PIGK: variants seen among roughly 807,000 people sequenced by gnomAD.
The protein encoded by PIGK is phosphatidylinositol glycan anchor biosynthesis class K, also known as GPI-anchor transamidase.
A neutral mutation model predicts 50.6 loss-of-function variants in PIGK; 42 were observed. That is an observed-to-expected ratio of 0.83 (90% CI 0.65 to 1.07). PIGK has a LOEUF of 1.07. PIGK is among the 50% of genes least tolerant of loss of function. PIGK has a pLI of 0.00. For missense variants in PIGK, 448 were observed against 488.7 expected (o/e 0.92, Z 0.78); for synonymous variants, 151 against 156.0 (o/e 0.97, Z 0.24).
At chr1:77,113,674 T>C (rs1653902765) in intron 10 of PIGK, among the ~76,000 whole-genome samples, 1 of 152,148 alleles carries the variant, frequency 6.6e-6, no homozygotes, top group Non-Finnish European at 1.5e-5. Context: ...ATGATTTTAT[T>C]GAAAATTGCG....
chr1:77,186,492 G>A (rs1212449939), intron 3 of PIGK, among the ~76,000 whole-genome samples: 1 of 152,212 alleles, frequency 6.6e-6, no homozygotes, highest in African/African-American at 2.4e-5. Context: ...AAGCATGATT[G>A]GAAAATTGGT....
intron 2 of PIGK, among the ~76,000 whole-genome samples, chr1:77,209,813 C>A (rs1656375475): frequency 6.6e-6 from 1 of 151,984 alleles, no homozygotes; most frequent in Non-Finnish European, 1.5e-5. Context: ...TGCAAAATAG[C>A]AGGTATAATA....
chr1:77,120,687 TG>T (rs1654077627), intron 10 of PIGK, among the ~76,000 whole-genome samples: 1 of 152,202 alleles, frequency 6.6e-6, no homozygotes, highest in African/African-American at 2.4e-5. Context: ...CTATTAACAA[TG>T]ACCTGTCCTG....
chr1:77,115,646 C>G (rs1030955606), intron 10 of PIGK, among the ~76,000 whole-genome samples: 2 of 152,038 alleles, frequency 1.3e-5, no homozygotes, highest in Admixed American at 6.6e-5. Context: ...AAAAAAATAC[C>G]TCTAGGACTA....
Position 77,193,116 on chromosome 1 carries a change from C to A in PIGK, c.239+13524G>T, listed in dbSNP as rs146897169. On this transcript the variant is annotated intron_variant, in intron 3 of 10. Coordinates refer to ENST00000370812, the MANE Select transcript of PIGK (RefSeq NM_005482.3). ...ATTAATATAAAACTCTGTGAAATAT[C>A]TTTCCTCCAAAGGAAGCAAATTCTT... 2.1e-3 allele frequency among the ~76,000 whole-genome samples: 327 copies of A among 152,310 alleles called. 1 individual carries two copies. The highest frequency in any genetic ancestry group is 7.2e-3 in the African/African-American group (300 of 41,576).
intron 3 of PIGK, among the ~76,000 whole-genome samples, chr1:77,193,253 G>GTGTGTGTGTA (rs1655953213): frequency 6.7e-6 from 1 of 149,958 alleles, no homozygotes; most frequent in South Asian, 2.1e-4. Flanking sequence ...GAATGTGTGT[G>GTGTGTGTGTA]TGTGTGTGTG....
intron 1 of PIGK, among the ~76,000 whole-genome samples, chr1:77,211,621 C>T (rs941934051): frequency 1.3e-5 from 2 of 151,980 alleles, no homozygotes; most frequent in African/African-American, 4.8e-5. Context: ...ACAAAATTAT[C>T]ACTCTTTGAA....
rs202176006 is a variant in PIGK at position 77,206,719 on chromosome 1, G to A, written c.160C>T (p.Arg54Ter). 29 of 1,605,538 alleles carry A rather than the reference G, an allele frequency of 1.8e-5. No homozygotes were observed. Among genetic ancestry groups the A allele is most frequent in the Admixed American group, 3.3e-5 (2 of 59,936 alleles). ...NNWAVLVCTS[R>*]FWFNYRHVAN... ...ACATGTCGATAATTAAACCAGAATC[G>A]GGATGTACACACCTGAAGTATTAAA... The change falls in exon 3 of 11, where the codon CGA becomes TGA. Residue 54 changes from arginine to a stop codon, truncating the protein, a stop_gained. Transcript: ENST00000370812. LOFTEE classifies it high-confidence loss of function.
At chr1:77,149,279 C>T (rs1175236456) in intron 9 of PIGK, among the ~76,000 whole-genome samples, 1 of 151,912 alleles carries the variant, frequency 6.6e-6, no homozygotes, top group Non-Finnish European at 1.5e-5. Flanking sequence ...CTAAATTCTC[C>T]AATTAAAAGA....
chr1:77,095,477 T>G (rs1056734808), intron 10 of PIGK, among the ~76,000 whole-genome samples: 1 of 152,122 alleles, frequency 6.6e-6, no homozygotes, highest in Non-Finnish European at 1.5e-5. Context: ...AAGATGGCTT[T>G]ATGAGGCAGC....
At chr1:77,189,706 T>C (rs1288215819) in intron 3 of PIGK, among the ~76,000 whole-genome samples, 1 of 12,812 alleles carries the variant, frequency 7.8e-5, no homozygotes, top group African/African-American at 2.1e-4. Flanking sequence ...TATATATATA[T>C]ATATATATAT....
intron 10 of PIGK, among the ~76,000 whole-genome samples, chr1:77,119,141 T>G (rs535721199): frequency 1.8e-4 from 28 of 152,362 alleles, no homozygotes; most frequent in Admixed American, 1.6e-3. Flanking sequence ...TCTTTGGTTA[T>G]TCTTGGACAT....
intron 9 of PIGK, among the ~76,000 whole-genome samples, chr1:77,149,417 G>A (rs1654844588): frequency 6.6e-6 from 1 of 151,944 alleles, no homozygotes; most frequent in Admixed American, 6.6e-5. Context: ...GATATTTTAT[G>A]TAAATGAAAA....
At chr1:77,159,290 A>G (rs1046572352) in intron 8 of PIGK, among the ~76,000 whole-genome samples, 4 of 152,162 alleles carry the variant, frequency 2.6e-5, no homozygotes, top group African/African-American at 9.7e-5. Flanking sequence ...TAGATTTCAG[A>G]GGATGTATGG....
intron 1 of PIGK, among the ~76,000 whole-genome samples, chr1:77,211,330 G>C (rs1453717442): frequency 1.3e-5 from 2 of 151,654 alleles, no homozygotes; most frequent in Admixed American, 1.3e-4. Context: ...GTCATCTATG[G>C]AAAACTGAAA....
intron 8 of PIGK, among the ~76,000 whole-genome samples, chr1:77,157,298 T>C (rs922738944): frequency 4.6e-5 from 7 of 152,134 alleles, no homozygotes; most frequent in Non-Finnish European, 8.8e-5. Context: ...TTGAATAAGA[T>C]TACAATAGTC....
intron 3 of PIGK, among the ~76,000 whole-genome samples, chr1:77,185,945 T>C (rs1169379266): frequency 6.6e-6 from 1 of 152,220 alleles, no homozygotes; most frequent in African/African-American, 2.4e-5. Context: ...CATTTGACTA[T>C]GTGTCATCAA....
intron 2 of PIGK, among the ~76,000 whole-genome samples, chr1:77,209,354 T>C (rs1656362984): frequency 6.6e-6 from 1 of 151,624 alleles, no homozygotes; most frequent in Admixed American, 6.6e-5. Context: ...AAATTAAAGA[T>C]GGTAATTCAC....
rs570104052 is a variant in PIGK at position 77,152,273 on chromosome 1, G to A, written c.986+2176C>T. Among the ~76,000 whole-genome samples the A allele has an allele frequency of 5.7e-4, 87 of 152,108 alleles. 1 individual carries two copies. Among genetic ancestry groups the A allele is most frequent in the African/African-American group, 1.9e-3 (77 of 41,518 alleles). ...GGAAAGGACACTCTGTTTAATAATC[G>A]TGCTGGGAAAACTGGATATCCATAT... On this transcript the variant is annotated intron_variant, in intron 9 of 10. Coordinates refer to ENST00000370812, the MANE Select transcript of PIGK (RefSeq NM_005482.3).
Sources: gnomAD v4.1 joint callset for allele counts (sites outside exome capture counted in the v4.1 genomes callset) on GRCh38, gnomAD v4.1.1 for gene constraint, MANE v1.5 for transcripts, NCBI Gene and HGNC (gene_info 2026-07-23, HGNC 2026-07-21) for gene names.